ALK: variants seen among roughly 807,000 people sequenced by gnomAD.
ALK encodes the protein ALK receptor tyrosine kinase.
ALK carries 74 observed loss-of-function variants against 163.1 expected under a neutral mutation model. The ratio of observed to expected loss-of-function variants is 0.45; its 90% CI spans 0.38 to 0.55. The LOEUF (loss-of-function observed/expected upper bound fraction) is 0.55, where lower values mean the gene tolerates loss of function less well. ALK is among the 20% of genes least tolerant of loss of function. The pLI is 0.00. For synonymous variants in ALK, 960 were observed against 843.2 expected, an observed-to-expected ratio of 1.14 and a Z score of -2.40; for missense variants, 2,063 against 2,105.3, an observed-to-expected ratio of 0.98 and a Z score of 0.39.
At chr2:29,358,154 G>A (rs1355929299) in intron 5 of ALK, among the ~76,000 whole-genome samples, 1 of 152,190 alleles carries the variant, frequency 6.6e-6, no homozygotes, top group Non-Finnish European at 1.5e-5. Context: ...CTATAAAGTT[G>A]CTTTGTGTGT....
intron 3 of ALK, among the ~76,000 whole-genome samples, chr2:29,578,184 A>C (rs188996398): frequency 6.6e-6 from 1 of 151,060 alleles, no homozygotes; most frequent in Non-Finnish European, 1.5e-5. Context: ...GGTTTTAAAA[A>C]CGAGTTTCCC....
At chr2:29,825,992 ACATGG>A (rs1665185926) in intron 1 of ALK, among the ~76,000 whole-genome samples, 1 of 152,004 alleles carries the variant, frequency 6.6e-6, no homozygotes, top group Non-Finnish European at 1.5e-5. Context: ...GTAACCCATG[ACATGG>A]TCTTGTGACT....
chr2:29,550,564 G>A (rs1050279470), intron 3 of ALK, among the ~76,000 whole-genome samples: 1 of 152,274 alleles, frequency 6.6e-6, no homozygotes, highest in South Asian at 2.1e-4. Context: ...GCTGAAGAAG[G>A]TGACTTTGTA....
intron 1 of ALK, among the ~76,000 whole-genome samples, chr2:29,876,743 AATG>A (rs748295686): frequency 1.2e-3 from 164 of 140,524 alleles, no homozygotes; most frequent in Admixed American, 1.8e-3. Flanking sequence ...TGGTGATGGT[AATG>A]ATGATGGTGG....
intron 26 of ALK, among the ~76,000 whole-genome samples, chr2:29,198,974 T>TTA (rs398104145): frequency 3.3e-5 from 5 of 151,698 alleles, no homozygotes; most frequent in African/African-American, 1.2e-4. Flanking sequence ...TTTTTTTTTT[T>TTA]ATGTAGTCTC....
intron 4 of ALK, among the ~76,000 whole-genome samples, chr2:29,447,463 GAA>G (rs113240351): frequency 1.6e-4 from 24 of 149,508 alleles, no homozygotes; most frequent in African/African-American, 5.6e-4. Context: ...CTTTAGGAGG[GAA>G]AAAAAAAATC....
chr2:29,352,094 T>A (rs184465984), intron 5 of ALK, among the ~76,000 whole-genome samples: 12 of 152,092 alleles, frequency 7.9e-5, no homozygotes, highest in African/African-American at 2.7e-4. Flanking sequence ...GCCACTGGGG[T>A]AGGAATCGGC....
At chr2:29,701,035 C>T (rs978797113) in intron 2 of ALK, among the ~76,000 whole-genome samples, 9 of 152,172 alleles carry the variant, frequency 5.9e-5, no homozygotes, top group Admixed American at 3.9e-4. Flanking sequence ...TGTACCAGGC[C>T]GAGACACTCA....
chr2:29,427,054 A>G (rs1670158572), intron 4 of ALK, among the ~76,000 whole-genome samples: 1 of 150,458 alleles, frequency 6.6e-6, no homozygotes, highest in African/African-American at 2.4e-5. Flanking sequence ...AAAAAAAAAA[A>G]AAAAAAAAAA....
chr2:29,523,425 G>A (rs1417728570), intron 4 of ALK, among the ~76,000 whole-genome samples: 1 of 152,166 alleles, frequency 6.6e-6, no homozygotes, highest in East Asian at 1.9e-4. Flanking sequence ...GGCTGAATGA[G>A]CTTCCAGAGT....
chr2:29,555,427 C>T (rs941097117), intron 3 of ALK, among the ~76,000 whole-genome samples: 1 of 152,082 alleles, frequency 6.6e-6, no homozygotes, highest in Non-Finnish European at 1.5e-5. Context: ...GTAATCTCCC[C>T]AGTCATGGAA....
rs1284990027 is a variant in ALK at position 29,866,891 on chromosome 2, CACAG to C, written c.667+53098_667+53101del. Among the ~76,000 whole-genome samples the C allele has an allele frequency of 9.8e-5, 15 of 152,294 alleles. No individual in the cohort carries two copies. In the East Asian group the frequency reaches 2.9e-3, roughly 29 times the overall value. On this transcript the variant is annotated intron_variant, in intron 1 of 28. Coordinates refer to ENST00000389048, the MANE Select transcript of ALK (RefSeq NM_004304.5). ...GGTTCCCTCCCTATAATCTGTGGTT[CACAG>C]ACAGTGGTGTGCACCAGAATCAGAA...
chr2:29,499,906 C>T (rs1672123770), intron 4 of ALK, among the ~76,000 whole-genome samples: 1 of 152,176 alleles, frequency 6.6e-6, no homozygotes, highest in Admixed American at 6.5e-5. Flanking sequence ...GTTCTTCCCT[C>T]CCCAGTGGTT....
intron 1 of ALK, among the ~76,000 whole-genome samples, chr2:29,804,830 T>C (rs1664567823): frequency 1.3e-5 from 2 of 152,212 alleles, no homozygotes; most frequent in South Asian, 4.1e-4. Context: ...ATTTCCAGTT[T>C]ATCTATTGTT....
chr2:29,857,036 T>A (rs1666159279), intron 1 of ALK, among the ~76,000 whole-genome samples: 1 of 152,178 alleles, frequency 6.6e-6, no homozygotes, highest in Non-Finnish European at 1.5e-5. Flanking sequence ...GACTCTGGCC[T>A]AAAGGCAGGA....
At chr2:29,758,935 A>T (rs1680618627) in intron 1 of ALK, among the ~76,000 whole-genome samples, 1 of 151,980 alleles carries the variant, frequency 6.6e-6, no homozygotes, top group African/African-American at 2.4e-5. Context: ...TTCCTGTCCA[A>T]CAATTTGCCT....
intron 1 of ALK, among the ~76,000 whole-genome samples, chr2:29,765,818 T>G (rs1383730464): frequency 6.6e-6 from 1 of 152,160 alleles, no homozygotes; most frequent in Non-Finnish European, 1.5e-5. Context: ...TTTAAGCCCT[T>G]ATTTGTAGTA....
intron 3 of ALK, among the ~76,000 whole-genome samples, chr2:29,583,047 T>TTTTGTTG (rs1199229357): frequency 6.0e-5 from 9 of 149,982 alleles, no homozygotes; most frequent in African/African-American, 2.0e-4. Flanking sequence ...TTTTTGTTTT[T>TTTTGTTG]TTGTTTTTTT....
At chr2:29,457,957 T>C (rs566146441) in intron 4 of ALK, among the ~76,000 whole-genome samples, 151 of 152,258 alleles carry the variant, frequency 9.9e-4, no homozygotes, top group Middle Eastern at 3.4e-3. Context: ...ATCAATACTT[T>C]AGGAAGTCAG....
Sources: gnomAD v4.1 joint callset for allele counts (sites outside exome capture counted in the v4.1 genomes callset) on GRCh38, gnomAD v4.1.1 for gene constraint, MANE v1.5 for transcripts, NCBI Gene and HGNC (gene_info 2026-07-23, HGNC 2026-07-21) for gene names.